The following MIPOL1 variants were observed in gnomAD, a reference collection of about 807,000 sequenced individuals.
The protein encoded by MIPOL1 is mirror-image polydactyly gene 1 protein.
MIPOL1 carries 57 observed loss-of-function variants against 60.9 expected under a neutral mutation model. The ratio of observed to expected loss-of-function variants is 0.94; its 90% CI spans 0.76 to 1.17. The LOEUF is 1.17. Ranked by LOEUF, MIPOL1 falls within the 50% of genes most tolerant of loss-of-function variation. The pLI is 0.00. For missense variants in MIPOL1, 551 were observed against 511.6 expected (o/e 1.08, Z -0.74); for synonymous variants, 179 against 168.8 (o/e 1.06, Z -0.47).
chr14:37,283,494 A>G (rs960112710), intron 6 of MIPOL1, among the ~76,000 whole-genome samples: 1 of 152,204 alleles, frequency 6.6e-6, no homozygotes, highest in Non-Finnish European at 1.5e-5. Context: ...AGTCTCTTAC[A>G]TAATTTTTGC....
intron 10 of MIPOL1, among the ~76,000 whole-genome samples, chr14:37,372,754 CAAA>C (rs34884132): frequency 7.6e-6 from 1 of 131,992 alleles, no homozygotes; most frequent in African/African-American, 2.8e-5. Flanking sequence ...GACTCCGTCT[CAAA>C]AAAAAAAAAA....
chr14:37,378,884 C>T (rs538138033), intron 10 of MIPOL1, among the ~76,000 whole-genome samples: 5 of 152,026 alleles, frequency 3.3e-5, no homozygotes, highest in South Asian at 2.1e-4. Context: ...ATTTAAAAAA[C>T]GGATCCTATT....
At chr14:37,447,020 C>G (rs959602638) in intron 11 of MIPOL1, among the ~76,000 whole-genome samples, 2 of 151,856 alleles carry the variant, frequency 1.3e-5, no homozygotes, top group East Asian at 1.9e-4. Flanking sequence ...CACATGTATA[C>G]ATATGTAACT....
rs535978128 is a variant in MIPOL1 at position 37,451,808 on chromosome 14, C to CTTTTTTTTTTTTTTTTTTTTT, written c.1031+28863_1031+28883dup. Among the ~76,000 whole-genome samples the CTTTTTTTTTTTTTTTTTTTTT allele has an allele frequency of 4.5e-4, 38 of 84,560 alleles. 4 individuals are homozygous for CTTTTTTTTTTTTTTTTTTTTT. The highest frequency in any genetic ancestry group is 2.4e-3 in the African/African-American group (37 of 15,742). The allele number at this position is 84,560 out of a possible 152,430, so 55.5% of individuals were successfully genotyped here. On this transcript the variant is annotated intron_variant, in intron 11 of 12. Transcript: ENST00000684589. ...CTTAAGGTTCTTTTGTTTATTCTCT[C>CTTTTTTTTTTTTTTTTTTTTT]TTTTTTTTTTTTTTTTTTTTTTTTG...
Position 37,438,320 on chromosome 14 carries a change from G to A in MIPOL1, c.1031+15371G>A, listed in dbSNP as rs543642265. ...ATACAGATATAATTTTTAAAGCTAC[G>A]TTTGTAATTCCTTCTGTCTTATATC... On this transcript the variant is annotated intron_variant, in intron 11 of 12. Coordinates refer to ENST00000684589, the MANE Select transcript of MIPOL1 (RefSeq NM_001388067.1). 2.6e-5 allele frequency among the ~76,000 whole-genome samples: 4 copies of A among 152,182 alleles called. No individual in the cohort carries two copies. The South Asian group carries it at 6.2e-4, about 24-fold the overall frequency.
At chr14:37,363,340 T>G (rs1444794602) in intron 9 of MIPOL1, among the ~76,000 whole-genome samples, 1 of 152,178 alleles carries the variant, frequency 6.6e-6, no homozygotes, top group East Asian at 1.9e-4. Context: ...TCCTTTCTGT[T>G]TCTTAGTTTT....
intron 1 of MIPOL1, among the ~76,000 whole-genome samples, chr14:37,219,160 G>A (rs1038591005): frequency 1.3e-5 from 2 of 152,074 alleles, no homozygotes; most frequent in Non-Finnish European, 2.9e-5. Flanking sequence ...GAAGATTGTG[G>A]TTAAACCAAC....
intron 9 of MIPOL1, among the ~76,000 whole-genome samples, chr14:37,309,049 T>C (rs2087046429): frequency 6.6e-6 from 1 of 152,156 alleles, no homozygotes; most frequent in South Asian, 2.1e-4. Flanking sequence ...CTAGTGGCTG[T>C]GCTCTCTCTC....
rs754377554 is a variant in MIPOL1, at chr14:37,422,840, A to G, written c.937-15A>G. 14 of 1,543,722 alleles carry G rather than the reference A, an allele frequency of 9.1e-6. No homozygotes were observed. In the African/African-American group the frequency reaches 1.5e-4, roughly 17 times the overall value. On this transcript the variant is annotated splice_polypyrimidine_tract_variant and intron_variant, in intron 10 of 12. Coordinates refer to ENST00000684589, the MANE Select transcript of MIPOL1 (RefSeq NM_001388067.1). ...AAATGAATACTGAATTTCTTAAAAT[A>G]TTAATTACTTTTAGGCAAAGTTGTT...
intron 3 of MIPOL1, among the ~76,000 whole-genome samples, chr14:37,264,338 T>A (rs1022948776): frequency 6.6e-6 from 1 of 151,184 alleles, no homozygotes. Context: ...AAAAAAAAAA[T>A]TGTAAGGTCA....
intron 7 of MIPOL1, among the ~76,000 whole-genome samples, chr14:37,290,724 AT>A (rs1462971891): frequency 6.6e-6 from 1 of 152,116 alleles, no homozygotes; most frequent in Non-Finnish European, 1.5e-5. Flanking sequence ...CTTAACTTTT[AT>A]TTTAAGTTCA....
intron 11 of MIPOL1, among the ~76,000 whole-genome samples, chr14:37,459,680 T>C (rs978233832): frequency 2.6e-5 from 4 of 152,148 alleles, no homozygotes; most frequent in Admixed American, 6.5e-5. Flanking sequence ...GAAACCATCA[T>C]CACCCTAATA....
At position 37,324,659 on chromosome 14, in the gene MIPOL1, C is replaced by T. The variant is rs200435872; in HGVS notation, c.828+16140C>T. On this transcript the variant is annotated intron_variant, in intron 9 of 12. Coordinates refer to ENST00000684589, the MANE Select transcript of MIPOL1 (RefSeq NM_001388067.1). Reference sequence around the variant, plus strand: ...TTTGCAAAGCTGACAGCTTGTTTTCCTCTACAGGCTTTAATGTTTTAGTTT... The same window carrying T: ...TTTGCAAAGCTGACAGCTTGTTTTCTTCTACAGGCTTTAATGTTTTAGTTT... 6.6e-5 allele frequency among the ~76,000 whole-genome samples: 10 copies of T among 152,136 alleles called. No individual in the cohort carries two copies. In the East Asian group the frequency reaches 1.9e-3, roughly 29 times the overall value.
At chr14:37,533,451 CTAAAAA>C (rs2095491154) in intron 12 of MIPOL1, among the ~76,000 whole-genome samples, 1 of 152,108 alleles carries the variant, frequency 6.6e-6, no homozygotes, top group South Asian at 2.1e-4. Context: ...AAAAGACACT[CTAAAAA>C]TAGTGAAACT....
intron 1 of MIPOL1, among the ~76,000 whole-genome samples, chr14:37,208,002 G>GT (rs994008598): frequency 3.3e-5 from 5 of 152,108 alleles, no homozygotes; most frequent in Admixed American, 6.6e-5. Flanking sequence ...TTGATTTGGT[G>GT]TTTTTTTATA....
intron 9 of MIPOL1, among the ~76,000 whole-genome samples, chr14:37,328,675 CT>C (rs2089415294): frequency 6.6e-6 from 1 of 152,134 alleles, no homozygotes; most frequent in South Asian, 2.1e-4. Context: ...TGGAGTAGTG[CT>C]TGTCCCTGGA....
chr14:37,490,005 A>G (rs1049838509), intron 11 of MIPOL1, among the ~76,000 whole-genome samples: 12 of 152,208 alleles, frequency 7.9e-5, no homozygotes, highest in African/African-American at 2.4e-4. Context: ...TGGTCTCTTC[A>G]GAGCCATCAG....
At chr14:37,214,482 C>T (rs941057809) in intron 1 of MIPOL1, among the ~76,000 whole-genome samples, 6 of 151,920 alleles carry the variant, frequency 3.9e-5, no homozygotes, top group Non-Finnish European at 7.4e-5. Flanking sequence ...GGCAAGAGAC[C>T]GAGGACACGA....
At chr14:37,334,375 T>C (rs1213121669) in intron 9 of MIPOL1, among the ~76,000 whole-genome samples, 1 of 152,030 alleles carries the variant, frequency 6.6e-6, no homozygotes, top group Admixed American at 6.6e-5. Context: ...TTATGCTATC[T>C]GATTTTAAGA....
Sources: gnomAD v4.1 joint callset for allele counts (sites outside exome capture counted in the v4.1 genomes callset) on GRCh38, gnomAD v4.1.1 for gene constraint, MANE v1.5 for transcripts, NCBI Gene and HGNC (gene_info 2026-07-23, HGNC 2026-07-21) for gene names.